The following APBA1 variants were observed in gnomAD, a reference collection of about 807,000 sequenced individuals.
APBA1 encodes the protein amyloid beta precursor protein binding family A member 1.
APBA1 carries 55 observed loss-of-function variants against 86.6 expected under a neutral mutation model. That is an observed-to-expected ratio of 0.64 (90% CI 0.51 to 0.80). The LOEUF (loss-of-function observed/expected upper bound fraction) is 0.80, where lower values mean the gene tolerates loss of function less well. APBA1 is among the 30% of genes least tolerant of loss of function. The probability of loss-of-function intolerance (pLI) is 0.00; values close to 1 mark genes in which losing one functional copy is unlikely to be tolerated. For missense variants in APBA1, 1,090 were observed against 1,183.0 expected (o/e 0.92, Z 1.15); for synonymous variants, 511 against 493.9 (o/e 1.03, Z -0.46).
intron 1 of APBA1, among the ~76,000 whole-genome samples, chr9:69,520,171 T>C (rs1836229479): frequency 6.6e-6 from 1 of 152,186 alleles, no homozygotes; most frequent in African/African-American, 2.4e-5. Flanking sequence ...AAAAAGGCAA[T>C]TGTCAACTTT....
chr9:69,569,875 C>T (rs72719030), intron 1 of APBA1, among the ~76,000 whole-genome samples: 3,538 of 152,198 alleles, frequency 0.023, 76 homozygotes, highest in Admixed American at 0.038. Context: ...GAATTAAGCT[C>T]CACAAATAAT....
chr9:69,516,176 G>A lies in APBA1; in HGVS notation c.1035C>T (p.Ala345=), dbSNP rs373701291. The change falls in exon 2 of 13, where the codon GCC becomes GCT. Residue 345 remains alanine (A), a synonymous_variant. Transcript: ENST00000265381. This position sits in a 1 kb window ranked among gnomAD's most constrained non-coding sequence, Gnocchi z 7.3. The part of the protein sequence containing the change: ...GQRYSKEKRD[A]ISLAIKDIKE... ...TGATGTCCTTGATGGCCAGCGAGAT[G>A]GCATCGCGCTTCTCCTTGCTGTACC... 6.2e-7 allele frequency: 1 copy of A among 1,610,642 alleles called. No individual in the cohort carries two copies. The highest frequency in any genetic ancestry group is 8.5e-7 in the Non-Finnish European group (1 of 1,178,568).
chr9:69,487,708 A>G (rs1450342812), intron 2 of APBA1, among the ~76,000 whole-genome samples: 1 of 152,052 alleles, frequency 6.6e-6, no homozygotes, highest in Non-Finnish European at 1.5e-5. Flanking sequence ...AACCCCCTTG[A>G]CAGGTGATGT....
chr9:69,640,771 T>G (rs1442311573), intron 1 of APBA1, among the ~76,000 whole-genome samples: 2 of 151,848 alleles, frequency 1.3e-5, no homozygotes, highest in South Asian at 4.2e-4. Context: ...AAACTAGAAA[T>G]AGAAGGAAAG....
At chr9:69,510,476 C>T (rs368961231) in intron 2 of APBA1, among the ~76,000 whole-genome samples, 37 of 123,868 alleles carry the variant, frequency 3.0e-4, no homozygotes, top group Non-Finnish European at 5.7e-4. Flanking sequence ...GAATCAATAT[C>T]GTGAAAATGG....
intron 2 of APBA1, among the ~76,000 whole-genome samples, chr9:69,482,374 G>C (rs1419362740): frequency 6.6e-6 from 1 of 151,672 alleles, no homozygotes. Flanking sequence ...ATGAAAAAAT[G>C]CTCATCATCA....
At chr9:69,501,963 C>T (rs1254142498) in intron 2 of APBA1, among the ~76,000 whole-genome samples, 1 of 152,130 alleles carries the variant, frequency 6.6e-6, no homozygotes, top group Non-Finnish European at 1.5e-5. Context: ...TAGCAACTGA[C>T]AACAAAATTC....
At chr9:69,597,652 C>G (rs1267600460) in intron 1 of APBA1, among the ~76,000 whole-genome samples, 2 of 152,278 alleles carry the variant, frequency 1.3e-5, no homozygotes, top group East Asian at 3.9e-4. Context: ...TTAGGTCTAA[C>G]GTTTAAGTCT....
chr9:69,449,146 G>A (rs1366214798), intron 10 of APBA1, among the ~76,000 whole-genome samples: 1 of 152,130 alleles, frequency 6.6e-6, no homozygotes, highest in African/African-American at 2.4e-5. Context: ...GGGCCACTGG[G>A]AAGGAAAAAG....
chr9:69,560,623 C>T (rs1403023135), intron 1 of APBA1, among the ~76,000 whole-genome samples: 1 of 152,174 alleles, frequency 6.6e-6, no homozygotes, highest in Non-Finnish European at 1.5e-5. Flanking sequence ...CTTCATTAAG[C>T]ACTTATCAAT....
chr9:69,469,768 T>C (rs528373611), intron 4 of APBA1, among the ~76,000 whole-genome samples: 4 of 152,364 alleles, frequency 2.6e-5, no homozygotes, highest in African/African-American at 7.2e-5. Flanking sequence ...AAGTAAAAGA[T>C]TGTCAGTTCT....
chr9:69,492,675 G>T (rs1014459548), intron 2 of APBA1, among the ~76,000 whole-genome samples: 6 of 152,042 alleles, frequency 3.9e-5, no homozygotes, highest in Non-Finnish European at 5.9e-5. Context: ...AGAGTTGAGG[G>T]TGATGCTATT....
chr9:69,468,788 G>A (rs1171686186), intron 4 of APBA1, among the ~76,000 whole-genome samples: 1 of 152,150 alleles, frequency 6.6e-6, no homozygotes, highest in Non-Finnish European at 1.5e-5. Context: ...AAACGTGTCT[G>A]TGATTAATAT....
intron 7 of APBA1, among the ~76,000 whole-genome samples, 181 bp from the exon 8 acceptor site, chr9:69,456,613 C>T (rs1835102220): frequency 6.6e-6 from 1 of 151,842 alleles, no homozygotes; most frequent in Non-Finnish European, 1.5e-5. Context: ...TTTCCCTTAG[C>T]TAATCAAGAG....
chr9:69,567,289 G>T (rs1474603836), intron 1 of APBA1, among the ~76,000 whole-genome samples: 1 of 152,048 alleles, frequency 6.6e-6, no homozygotes, highest in African/African-American at 2.4e-5. Context: ...CCCACAAAGG[G>T]GATGGCCAAG....
chr9:69,527,567 A>C (rs1231847649), intron 1 of APBA1, among the ~76,000 whole-genome samples: 1 of 152,140 alleles, frequency 6.6e-6, no homozygotes, highest in Non-Finnish European at 1.5e-5. Flanking sequence ...TTAGAGCTGA[A>C]AGGGGTGGAG....
At chr9:69,432,074 AATG>A (rs1834610491) in intron 12 of APBA1, among the ~76,000 whole-genome samples, 3 of 152,242 alleles carry the variant, frequency 2.0e-5, no homozygotes, top group Non-Finnish European at 4.4e-5. Flanking sequence ...GAATGGCAAC[AATG>A]ATGACTGACT....
chr9:69,431,059 C>T lies in APBA1; in HGVS notation c.*268G>A. ...CCCTGGACACACCCAGAAAGCCCTC[C>T]AGGATGGTCCTGGGTCAGTACCAGG... On this transcript the variant is annotated 3_prime_UTR_variant, in exon 13 of 13. Coordinates refer to ENST00000265381, the MANE Select transcript of APBA1 (RefSeq NM_001163.4). 5.6e-6 allele frequency: 2 copies of T among 359,582 alleles called. No homozygotes were observed. The highest frequency in any genetic ancestry group is 9.9e-6 in the Non-Finnish European group (2 of 201,792). 22.3% of individuals were successfully genotyped at this position (359,582 alleles called of 1,614,324 possible). A position where few individuals can be genotyped will look rare whatever the true frequency, so the allele number is the denominator to read the frequency against.
chr9:69,553,729 A>C (rs989902191), intron 1 of APBA1, among the ~76,000 whole-genome samples: 10 of 152,228 alleles, frequency 6.6e-5, no homozygotes, highest in Admixed American at 6.5e-4. Context: ...TTCTAAGTTT[A>C]GGAGCCACAG....
Sources: gnomAD v4.1 joint callset for allele counts (sites outside exome capture counted in the v4.1 genomes callset) on GRCh38, gnomAD v4.1.1 for gene constraint, Gnocchi (gnomAD v3.1) non-coding constraint, MANE v1.5 for transcripts, NCBI Gene and HGNC (gene_info 2026-07-23, HGNC 2026-07-21) for gene names.